Variants in HTR7 observed in about 807,000 individuals in gnomAD.
HTR7 encodes 5-hydroxytryptamine receptor 7.
Under a neutral mutation model 34.0 loss-of-function variants are expected in HTR7, and 16 were observed. The observed-to-expected ratio is 0.47, with a 90% confidence interval of 0.32 to 0.71. HTR7 has a LOEUF of 0.71. Among genes scored for constraint, HTR7 ranks in the 30% least tolerant of loss-of-function variants. The pLI is 0.04. For synonymous variants in HTR7, 265 were observed against 260.2 expected (o/e 1.02, Z -0.18); for missense variants, 504 against 625.5 (o/e 0.81, Z 2.07).
At chr10:90,776,539 A>C (rs1440622194) in intron 1 of HTR7, among the ~76,000 whole-genome samples, 2 of 152,252 alleles carry the variant, frequency 1.3e-5, no homozygotes, top group African/African-American at 2.4e-5. Flanking sequence ...TCTGAAGTTT[A>C]TAATTTAAAT....
Position 90,755,549 on chromosome 10 carries a change from T to A in HTR7, c.540-5955A>T, listed in dbSNP as rs139289430. Among the ~76,000 whole-genome samples, 683 of 152,328 alleles carry A rather than the reference T, an allele frequency of 4.5e-3. 4 individuals are homozygous for A. Among genetic ancestry groups the A allele is most frequent in the Non-Finnish European group, 8.2e-3 (558 of 68,024 alleles). ...GCCTTAACTCACTAAATTGATTTCA[T>A]AACCCATTAATGGATCAAGGCCTAA... is the stretch of plus-strand genomic sequence containing the variant. On this transcript the variant is annotated intron_variant, in intron 1 of 3. Coordinates refer to ENST00000336152, the MANE Select transcript of HTR7 (RefSeq NM_019859.4).
At chr10:90,764,419 T>G (rs1844988658) in intron 1 of HTR7, among the ~76,000 whole-genome samples, 2 of 152,212 alleles carry the variant, frequency 1.3e-5, no homozygotes, top group South Asian at 4.1e-4. Flanking sequence ...GTCTGATCAC[T>G]CTGTGGCTTT....
In HTR7 at chr10:90,857,938, G is replaced by C. The variant is rs1332340616; in HGVS notation, c.-267C>G. 6.6e-6 allele frequency among the ~76,000 whole-genome samples: 1 copy of C among 151,320 alleles called. No individual in the cohort carries two copies. Among genetic ancestry groups the C allele is most frequent in the East Asian group, 1.9e-4 (1 of 5,170 alleles). On this transcript the variant is annotated 5_prime_UTR_variant, in exon 1 of 4. Coordinates refer to ENST00000336152, the MANE Select transcript of HTR7 (RefSeq NM_019859.4). The surrounding 1 kb of genome is among the most constrained non-coding windows in gnomAD (Gnocchi z 6.5). ...ACGGACGCCTGGGACGCGCGGAGTC[G>C]AGGGAGCTCGGGCTGGGCTCCGCTG...
At chr10:90,804,762 G>C (rs1239804732) in intron 1 of HTR7, among the ~76,000 whole-genome samples, 1 of 152,058 alleles carries the variant, frequency 6.6e-6, no homozygotes, top group Non-Finnish European at 1.5e-5. Context: ...TTTTTTAAAA[G>C]AGCTTTATGC....
chr10:90,747,621 A>C (rs57768581), intron 2 of HTR7, among the ~76,000 whole-genome samples: 35,084 of 152,020 alleles, frequency 0.23, 4,308 homozygotes, highest in African/African-American at 0.32. Flanking sequence ...CTTAGTTGTG[A>C]CACTAGCTAA....
chr10:90,824,341 A>G (rs1022345239), intron 1 of HTR7, among the ~76,000 whole-genome samples: 3 of 152,218 alleles, frequency 2.0e-5, no homozygotes, highest in African/African-American at 7.2e-5. Flanking sequence ...CTGACTAAAG[A>G]GCCTTTGAGC....
At chr10:90,774,806 G>A (rs1024150477) in intron 1 of HTR7, among the ~76,000 whole-genome samples, 1 of 152,142 alleles carries the variant, frequency 6.6e-6, no homozygotes, top group Admixed American at 6.5e-5. Context: ...TTCTTCATAA[G>A]CATCGCTTTT....
intron 1 of HTR7, among the ~76,000 whole-genome samples, chr10:90,769,809 A>G (rs1845078466): frequency 1.3e-5 from 2 of 152,260 alleles, no homozygotes; most frequent in Non-Finnish European, 2.9e-5. Context: ...AATAACAAAC[A>G]TTATTGACAA....
chr10:90,771,284 A>G lies in HTR7; in HGVS notation c.540-21690T>C, dbSNP rs568040895. ...AGTAAAGCTCCTCTTCGTCTTGCTCACCCTTCACTTGTCCGCATACCTCAT... is the reference window on the plus strand; with the variant it reads ...AGTAAAGCTCCTCTTCGTCTTGCTCGCCCTTCACTTGTCCGCATACCTCAT... On this transcript the variant is annotated intron_variant, in intron 1 of 3. Coordinates refer to ENST00000336152, the MANE Select transcript of HTR7 (RefSeq NM_019859.4). 3.9e-5 allele frequency among the ~76,000 whole-genome samples: 6 copies of G among 152,206 alleles called. No homozygotes were observed. The East Asian group carries it at 1.2e-3, about 29-fold the overall frequency.
intron 1 of HTR7, among the ~76,000 whole-genome samples, chr10:90,840,670 CACA>C (rs773244566): frequency 1.3e-5 from 2 of 152,190 alleles, no homozygotes; most frequent in Non-Finnish European, 2.9e-5. Flanking sequence ...ATAATATTAA[CACA>C]ACAACACTAC....
chr10:90,774,835 C>G (rs1343915622), intron 1 of HTR7, among the ~76,000 whole-genome samples: 7 of 152,302 alleles, frequency 4.6e-5, no homozygotes, highest in African/African-American at 1.7e-4. Flanking sequence ...GAAACCTTTC[C>G]AAGATGGCCT....
intron 1 of HTR7, among the ~76,000 whole-genome samples, chr10:90,765,044 T>A (rs747959421): frequency 9.9e-5 from 15 of 152,204 alleles, no homozygotes; most frequent in Non-Finnish European, 2.2e-4. Context: ...GTTAGCCTCA[T>A]AAAATGGATT....
chr10:90,850,126 C>A (rs1168018766), intron 1 of HTR7, among the ~76,000 whole-genome samples: 1 of 152,244 alleles, frequency 6.6e-6, no homozygotes, highest in African/African-American at 2.4e-5. Context: ...GCAAAGATGC[C>A]AGTGAAACCT....
At chr10:90,761,278 G>A (rs1208119671) in intron 1 of HTR7, among the ~76,000 whole-genome samples, 2 of 152,104 alleles carry the variant, frequency 1.3e-5, no homozygotes, top group Non-Finnish European at 1.5e-5. Context: ...AATGAGCACA[G>A]ACAGTTTTCA....
intron 1 of HTR7, among the ~76,000 whole-genome samples, chr10:90,779,256 G>A (rs770050883): frequency 6.6e-6 from 1 of 152,196 alleles, no homozygotes; most frequent in Non-Finnish European, 1.5e-5. Context: ...CAGAGGAAAA[G>A]TTAGGACAAA....
chr10:90,792,661 A>G (rs1014787294), intron 1 of HTR7, among the ~76,000 whole-genome samples: 3 of 152,118 alleles, frequency 2.0e-5, no homozygotes, highest in Non-Finnish European at 4.4e-5. Flanking sequence ...GGATAAAACT[A>G]TCATAAGTTG....
chr10:90,749,229 C>T lies in HTR7; in HGVS notation c.905G>A (p.Cys302Tyr), dbSNP rs1844692003. The T allele has an allele frequency of 6.8e-6, 11 of 1,614,042 alleles. No homozygotes were observed. Among genetic ancestry groups the T allele is most frequent in the Non-Finnish European group, 8.5e-6 (10 of 1,179,978 alleles). The change falls in exon 2 of 4, where the codon TGT (cysteine) becomes TAT (tyrosine). Residue 302 changes from cysteine (C) to tyrosine (Y), a missense_variant. Cys to Tyr is a radical substitution (Grantham distance 194). This residue lies in a region of HTR7 where 57 missense variants were observed against 47.5 expected (regional missense o/e 1.20). Coordinates refer to ENST00000336152, the MANE Select transcript of HTR7 (RefSeq NM_019859.4). The surrounding 1 kb of genome is among the most constrained non-coding windows in gnomAD (Gnocchi z 4.2). ...IVKLQKEVEE[C>Y]ANLSRLLKHE... is the part of the protein sequence containing the mutation. ...CTTGAGGAGTCTCGAAAGGTTTGCA[C>T]ACTCTTCCACCTCCTTCTGGAGCTT...
At position 90,825,226 on chromosome 10, in the gene HTR7, AGTACCTCTATGAGTCTGCAGGCTT is replaced by A. The variant is rs552779564; in HGVS notation, c.539+31883_539+31906del. ...GGATCTCATCCACAACCACCAAGGC[AGTACCTCTATGAGTCTGCAGGCTT>A]GTACCTCTATGAGTCTGCAGGCTTA... On this transcript the variant is annotated intron_variant, in intron 1 of 3. Coordinates refer to ENST00000336152, the MANE Select transcript of HTR7 (RefSeq NM_019859.4). Among the ~76,000 whole-genome samples, 102 of 152,350 alleles carry A rather than the reference AGTACCTCTATGAGTCTGCAGGCTT, an allele frequency of 6.7e-4. 1 individual carries two copies. In the East Asian group the frequency reaches 0.017, roughly 26 times the overall value.
intron 1 of HTR7, among the ~76,000 whole-genome samples, chr10:90,844,726 C>A (rs12782860): frequency 0.28 from 10,956 of 39,418 alleles, 916 homozygotes; most frequent in East Asian, 0.49. Flanking sequence ...GACTCCGTCT[C>A]AAAAAAAAAA....
Sources: allele counts gnomAD v4.1 joint callset (sites outside exome capture counted in the v4.1 genomes callset), GRCh38; gene constraint gnomAD v4.1.1; regional missense constraint gnomAD v4.1.1; non-coding constraint Gnocchi (gnomAD v3.1); transcripts MANE v1.5; gene names NCBI Gene and HGNC (gene_info 2026-07-23, HGNC 2026-07-21).